The following PROS1 variants were observed in gnomAD, a reference collection of about 807,000 sequenced individuals.
PROS1 encodes the protein vitamin K-dependent protein S.
In PROS1, 29 loss-of-function variants were observed where a neutral mutation model predicts 75.9. That is an observed-to-expected ratio of 0.38 (90% CI 0.28 to 0.52). PROS1 has a LOEUF of 0.52. Ranked by LOEUF, PROS1 falls within the 20% of genes least tolerant of loss-of-function variation. The pLI is 0.83. For missense variants in PROS1, 680 were observed against 810.3 expected (o/e 0.84, Z 1.95); for synonymous variants, 245 against 280.6 (o/e 0.87, Z 1.27).
chr3:93,903,399 C>T (rs1219828757), intron 6 of PROS1, among the ~76,000 whole-genome samples: 3 of 152,090 alleles, frequency 2.0e-5, no homozygotes, highest in Admixed American at 6.5e-5. Flanking sequence ...TGTGGTGGCT[C>T]ATGCCTGTAA....
In PROS1 at chr3:93,874,031, C is replaced by T. The variant is rs1180019960; in HGVS notation, c.*214G>A. 4.6e-5 allele frequency: 23 copies of T among 500,418 alleles called. No homozygotes were observed. The highest frequency in any genetic ancestry group is 7.7e-5 in the South Asian group (2 of 25,904). The allele number at this position is 500,418 out of a possible 1,614,324, so 31.0% of individuals were successfully genotyped here. A position where few individuals can be genotyped will look rare whatever the true frequency, so the allele number is the denominator to read the frequency against. ...TCAAATTTAAAATTGTTATTTTTCACTATTCTTAGATAGCAAGAGAAGTAA... is the reference window on the plus strand; with the variant it reads ...TCAAATTTAAAATTGTTATTTTTCATTATTCTTAGATAGCAAGAGAAGTAA... On this transcript the variant is annotated 3_prime_UTR_variant, in exon 15 of 15. Transcript: ENST00000394236.
At chr3:93,936,547 G>T (rs1709187172) in intron 1 of PROS1, among the ~76,000 whole-genome samples, 1 of 152,130 alleles carries the variant, frequency 6.6e-6, no homozygotes, top group Non-Finnish European at 1.5e-5. Context: ...ACACACCAAA[G>T]AAAGGCCATC....
At position 93,906,803 on chromosome 3, in the gene PROS1, C is replaced by T. The variant is rs556284518; in HGVS notation, c.347-660G>A. On this transcript the variant is annotated intron_variant, in intron 4 of 14. Transcript: ENST00000394236. The stretch of plus-strand genomic sequence containing the variant: ...CCTGACCTCTCCTCTCTCCTGGCAC[C>T]CACTCTGGTCATGGAACAAGGTTGG... 3.3e-4 allele frequency among the ~76,000 whole-genome samples: 51 copies of T among 152,334 alleles called. 1 individual carries two copies. The highest frequency in any genetic ancestry group is 3.1e-3 in the Admixed American group (47 of 15,306).
At chr3:93,911,132 A>G (rs1173211491) in intron 3 of PROS1, 1 of 202,608 alleles carries the variant, frequency 4.9e-6, no homozygotes, top group East Asian at 1.3e-4. Flanking sequence ...TACTTGCTAT[A>G]GGCTACTTCC....
chr3:93,956,741 A>G (rs1709609731), intron 1 of PROS1, among the ~76,000 whole-genome samples: 3 of 152,170 alleles, frequency 2.0e-5, no homozygotes, highest in Admixed American at 2.0e-4. Flanking sequence ...GGCAAGTCTC[A>G]CATCAAACTA....
chr3:93,934,397 G>A (rs1559943396), intron 1 of PROS1, among the ~76,000 whole-genome samples: 1 of 152,086 alleles, frequency 6.6e-6, no homozygotes, highest in Non-Finnish European at 1.5e-5. Context: ...ACTCAAAGAT[G>A]GGTTTTTATG....
chr3:93,886,776 T>C (rs1708354547), intron 10 of PROS1, among the ~76,000 whole-genome samples: 1 of 152,180 alleles, frequency 6.6e-6, no homozygotes, highest in African/African-American at 2.4e-5. Context: ...AAACATCCAG[T>C]TATATATCTT....
At chr3:93,876,105 C>T (rs537693420) in intron 14 of PROS1, among the ~76,000 whole-genome samples, 2 of 152,300 alleles carry the variant, frequency 1.3e-5, no homozygotes, top group Admixed American at 1.3e-4. Flanking sequence ...ACACATATCT[C>T]CGATCTATTT....
chr3:93,960,530 CTCTTTTTTTTTTTTTT>C (rs1190694004), intron 1 of PROS1, among the ~76,000 whole-genome samples: 1 of 109,188 alleles, frequency 9.2e-6, no homozygotes, highest in Non-Finnish European at 1.8e-5. Flanking sequence ...ACCTCCATTG[CTCTTTTTTTTTTTTTT>C]TTTTTTTTTT....
chr3:93,937,025 C>T (rs992649616), intron 1 of PROS1, among the ~76,000 whole-genome samples: 5 of 152,152 alleles, frequency 3.3e-5, no homozygotes, highest in Admixed American at 1.3e-4. Context: ...GGTGAATAAA[C>T]AAGGGACAGG....
intron 4 of PROS1, among the ~76,000 whole-genome samples, chr3:93,909,179 T>C (rs1439536189): frequency 6.6e-6 from 1 of 152,188 alleles, no homozygotes; most frequent in Non-Finnish European, 1.5e-5. Context: ...GTTTCATGCC[T>C]GTAATCCTAG....
intron 1 of PROS1, among the ~76,000 whole-genome samples, chr3:93,931,840 T>C (rs1709111104): frequency 6.6e-6 from 1 of 152,238 alleles, no homozygotes; most frequent in African/African-American, 2.4e-5. Context: ...GCTCATACTC[T>C]GCTCTTGCAC....
chr3:93,958,558 T>C (rs1028853372), intron 1 of PROS1: 8 of 152,240 alleles, frequency 5.3e-5, no homozygotes, highest in Non-Finnish European at 1.2e-4. Context: ...GTACTTGATA[T>C]GGTTTGGCTC....
intron 1 of PROS1, among the ~76,000 whole-genome samples, chr3:93,936,239 A>G (rs555607968): frequency 2.0e-4 from 31 of 152,162 alleles, no homozygotes; most frequent in African/African-American, 6.3e-4. Context: ...AAAAATGGCA[A>G]TAATAGACTC....
At chr3:93,886,212 A>G in intron 11 of PROS1, 124 bp downstream of exon 11, 1 of 781,134 alleles carries the variant, frequency 1.3e-6, no homozygotes, top group South Asian at 1.6e-5. Flanking sequence ...TGATCATTTC[A>G]AGTTGTCACA....
At chr3:93,907,446 A>G (rs1708693028) in intron 4 of PROS1, among the ~76,000 whole-genome samples, 1 of 152,096 alleles carries the variant, frequency 6.6e-6, no homozygotes, top group Non-Finnish European at 1.5e-5. Context: ...CTCTACTGAA[A>G]GCTGCAGAGA....
At chr3:93,888,295 C>A (rs1708381344) in intron 10 of PROS1, among the ~76,000 whole-genome samples, 1 of 152,158 alleles carries the variant, frequency 6.6e-6, no homozygotes, top group Non-Finnish European at 1.5e-5. Flanking sequence ...AACACCCCAG[C>A]ATTAGTCTTC....
chr3:93,966,337 T>C (rs757982399), intron 1 of PROS1, among the ~76,000 whole-genome samples: 3 of 152,144 alleles, frequency 2.0e-5, no homozygotes, highest in Non-Finnish European at 2.9e-5. Context: ...GCAAGAATTG[T>C]CCCAGAGATG....
chr3:93,972,921 C>T (rs1306623249), intron 1 of PROS1, among the ~76,000 whole-genome samples: 1 of 152,118 alleles, frequency 6.6e-6, no homozygotes, highest in Non-Finnish European at 1.5e-5. Flanking sequence ...TAACTGACCA[C>T]TAAAATGTAC....
Sources: allele counts gnomAD v4.1 joint callset (sites outside exome capture counted in the v4.1 genomes callset), GRCh38; gene constraint gnomAD v4.1.1; transcripts MANE v1.5; gene names NCBI Gene and HGNC (gene_info 2026-07-23, HGNC 2026-07-21).